The following DNASE1L3 variants were observed in gnomAD, a reference collection of about 807,000 sequenced individuals.
The protein encoded by DNASE1L3 is deoxyribonuclease gamma.
Under a neutral mutation model 30.9 loss-of-function variants are expected in DNASE1L3, and 27 were observed. The ratio of observed to expected loss-of-function variants is 0.87; its 90% CI spans 0.64 to 1.20. The LOEUF (loss-of-function observed/expected upper bound fraction) is 1.20, where lower values mean the gene tolerates loss of function less well. Among genes scored for constraint, DNASE1L3 ranks in the 50% most tolerant of loss-of-function variants. The probability of loss-of-function intolerance (pLI) is 0.00; values close to 1 mark genes in which losing one functional copy is unlikely to be tolerated. For synonymous variants in DNASE1L3, 135 were observed against 138.0 expected (o/e 0.98, Z 0.15); for missense variants, 364 against 378.2 (o/e 0.96, Z 0.31).
intron 4 of DNASE1L3, among the ~76,000 whole-genome samples, chr3:58,202,599 A>AGCT (rs1176707477): frequency 2.6e-5 from 4 of 151,948 alleles, no homozygotes; most frequent in Admixed American, 2.6e-4. Context: ...TACTTCTGTA[A>AGCT]TCCCACCACT....
At chr3:58,203,695 G>A (rs970941173) in intron 4 of DNASE1L3, among the ~76,000 whole-genome samples, 3 of 152,090 alleles carry the variant, frequency 2.0e-5, no homozygotes, top group Non-Finnish European at 2.9e-5. Context: ...AGCTACTTGC[G>A]AGGCTGAGGT....
chr3:58,193,363 A>G lies in DNASE1L3; in HGVS notation c.781T>C (p.Tyr261His). The G allele has an allele frequency of 6.2e-7, 1 of 1,614,136 alleles. No homozygotes were observed. Among genetic ancestry groups the G allele is most frequent in the Non-Finnish European group, 8.5e-7 (1 of 1,180,010 alleles). Residue 261 changes from tyrosine to histidine, a missense_variant, in exon 7 of 8, where the codon TAC becomes CAC. Coordinates refer to ENST00000394549, the MANE Select transcript of DNASE1L3 (RefSeq NM_004944.4). ...SNSVFDFQKA[Y>H]KLTEEEALDV... ...CTTACCTCCTCTTCAGTCAGCTTGT[A>G]AGCTTTCTGGAAGTCAAAAACACTG... is the stretch of plus-strand genomic sequence containing the variant.
At chr3:58,195,500 G>C (rs1164272202) in intron 6 of DNASE1L3, among the ~76,000 whole-genome samples, 1 of 151,078 alleles carries the variant, frequency 6.6e-6, no homozygotes, top group East Asian at 2.0e-4. Context: ...GGGCATGGTG[G>C]CTCACACCTG....
chr3:58,207,451 C>T (rs1194556478), intron 2 of DNASE1L3, among the ~76,000 whole-genome samples: 61 of 64,068 alleles, frequency 9.5e-4, no homozygotes, highest in African/African-American at 4.7e-3. Flanking sequence ...ACCCCCCCCC[C>T]CCCCACCAGA....
intron 1 of DNASE1L3, among the ~76,000 whole-genome samples, chr3:58,210,493 T>A (rs2097407041): frequency 6.6e-6 from 1 of 152,224 alleles, no homozygotes; most frequent in Non-Finnish European, 1.5e-5. Flanking sequence ...CTAACCCTTA[T>A]CTGGAACGTA....
intron 4 of DNASE1L3, among the ~76,000 whole-genome samples, chr3:58,203,840 G>A (rs1356992672): frequency 6.6e-6 from 1 of 152,072 alleles, no homozygotes; most frequent in Non-Finnish European, 1.5e-5. Context: ...CTCCTGAGGT[G>A]GTGGCCTGGG....
At chr3:58,207,450 C>A (rs1427295351) in intron 2 of DNASE1L3, among the ~76,000 whole-genome samples, 4 of 77,874 alleles carry the variant, frequency 5.1e-5, no homozygotes, top group East Asian at 8.0e-4. Context: ...CACCCCCCCC[C>A]CCCCCACCAG....
At chr3:58,194,394 AC>A (rs2097395946) in intron 6 of DNASE1L3, among the ~76,000 whole-genome samples, 1 of 134,510 alleles carries the variant, frequency 7.4e-6, no homozygotes, top group African/African-American at 2.9e-5. Context: ...ATCTCAGCTC[AC>A]TGCAACCTCC....
intron 4 of DNASE1L3, among the ~76,000 whole-genome samples, chr3:58,202,499 G>A (rs1398437088): frequency 1.3e-5 from 2 of 151,506 alleles, no homozygotes; most frequent in Non-Finnish European, 2.9e-5. Flanking sequence ...ACCCATCTCA[G>A]CCTCCCAAAG....
chr3:58,210,139 AAGT>A (rs2097406709), intron 1 of DNASE1L3, among the ~76,000 whole-genome samples: 2 of 151,886 alleles, frequency 1.3e-5, no homozygotes. Flanking sequence ...GGAAGGAAAA[AAGT>A]AAGGAAGGGA....
chr3:58,208,296 CG>C lies in DNASE1L3; in HGVS notation c.151del (p.Arg51AlafsTer7), dbSNP rs1170077573. 4.3e-6 allele frequency: 7 copies of C among 1,614,150 alleles called. No individual in the cohort carries two copies. The highest frequency in any genetic ancestry group is 5.9e-6 in the Non-Finnish European group (7 of 1,180,014). Reference sequence around the variant, plus strand: ...TTCCATCACGAGTATGATGTCACAGCGTTTGATGACCTGCAAGAAAGAGAAT... The same window carrying C: ...TTCCATCACGAGTATGATGTCACAGCTTTGATGACCTGCAAGAAAGAGAAT... The part of the protein sequence containing the change: ...AMDVIVKVIK[R>X]CDIILVMEIK... On this transcript the variant is annotated frameshift_variant, in exon 2 of 8. Transcript: ENST00000394549. LOFTEE classifies it high-confidence loss of function.
At chr3:58,205,409 C>T (rs1037008439) in intron 3 of DNASE1L3, 62 bp downstream of exon 3, 13 of 1,413,774 alleles carry the variant, frequency 9.2e-6, no homozygotes, top group Non-Finnish European at 1.2e-5. Flanking sequence ...AAAAGACATG[C>T]ATTTTGATTC....
chr3:58,197,416 ACT>A lies in DNASE1L3; in HGVS notation c.704+403_704+404del, dbSNP rs951646241. Among the ~76,000 whole-genome samples the A allele has an allele frequency of 6.6e-6, 1 of 152,036 alleles. No individual in the cohort carries two copies. The highest frequency in any genetic ancestry group is 2.4e-5 in the African/African-American group (1 of 41,390). ...AGTAGAGGGGCCTGACATTTAATTG[ACT>A]CAGCTCTGCAAGCAGTGTGCTTTTC... On this transcript the variant is annotated intron_variant, in intron 6 of 7. Transcript: ENST00000394549. This position sits in a 1 kb window ranked among gnomAD's most constrained non-coding sequence, Gnocchi z 5.3.
Position 58,197,706 on chromosome 3 carries a change from G to A in DNASE1L3, c.704+115C>T, listed in dbSNP as rs2097398210. The A allele has an allele frequency of 7.1e-7, 1 of 1,411,992 alleles. No individual in the cohort carries two copies. The allele number at this position is 1,411,992 out of a possible 1,614,324, so 87.5% of individuals were successfully genotyped here. On this transcript the variant is annotated intron_variant, in intron 6 of 7. Coordinates refer to ENST00000394549, the MANE Select transcript of DNASE1L3 (RefSeq NM_004944.4). The surrounding 1 kb of genome is among the most constrained non-coding windows in gnomAD (Gnocchi z 5.3). ...GTACTCAAGCGATCCATCCATCGAG[G>A]CCTCCCAAAGTGCTAGGACTACTGG...
At chr3:58,201,217 T>C (rs2097400374) in intron 4 of DNASE1L3, 108 bp from the exon 5 acceptor site, 2 of 765,122 alleles carry the variant, frequency 2.6e-6, no homozygotes, top group South Asian at 2.5e-5. Context: ...GGCTGCATTA[T>C]CTGGGTCCCC....
At chr3:58,205,753 CA>C (rs1411245567) in intron 2 of DNASE1L3, among the ~76,000 whole-genome samples, 193 bp from the exon 3 acceptor site, 1 of 152,256 alleles carries the variant, frequency 6.6e-6, no homozygotes, top group Non-Finnish European at 1.5e-5. Context: ...ACGATCTTTA[CA>C]GCCATTATTT....
chr3:58,205,095 C>T (rs187711817), intron 3 of DNASE1L3, among the ~76,000 whole-genome samples: 1 of 152,302 alleles, frequency 6.6e-6, no homozygotes, highest in African/African-American at 2.4e-5. Context: ...TACTAGTTAT[C>T]TGTGGCACCC....
chr3:58,206,036 G>T (rs972784870), intron 2 of DNASE1L3, among the ~76,000 whole-genome samples: 2 of 152,234 alleles, frequency 1.3e-5, no homozygotes, highest in Admixed American at 1.3e-4. Flanking sequence ...GAGCATTTAT[G>T]ATAAGCAGGA....
Position 58,201,129 on chromosome 3 carries a change from C to T in DNASE1L3, c.434-20G>A, listed in dbSNP as rs752963121. On this transcript the variant is annotated intron_variant, in intron 4 of 7. Coordinates refer to ENST00000394549, the MANE Select transcript of DNASE1L3 (RefSeq NM_004944.4). ...TGACAGCTGAGAAACAGGAAAGAGG[C>T]GGGGGTCACACACTTCCCCTGTCAA... 1.9e-5 allele frequency: 31 copies of T among 1,591,586 alleles called. No homozygotes were observed. Among genetic ancestry groups the T allele is most frequent in the Middle Eastern group, 3.3e-4 (2 of 5,992 alleles).
Sources: gnomAD v4.1 joint callset for allele counts (sites outside exome capture counted in the v4.1 genomes callset) on GRCh38, gnomAD v4.1.1 for gene constraint, Gnocchi (gnomAD v3.1) non-coding constraint, MANE v1.5 for transcripts, NCBI Gene and HGNC (gene_info 2026-07-23, HGNC 2026-07-21) for gene names.